DLG2: variants seen among roughly 807,000 people sequenced by gnomAD.
DLG2 encodes the protein disks large homolog 2.
DLG2 carries 45 observed loss-of-function variants against 132.5 expected under a neutral mutation model. The observed-to-expected ratio is 0.34, with a 90% CI of 0.27 to 0.44. DLG2 has a LOEUF of 0.44. Ranked by LOEUF, DLG2 falls within the 20% of genes least tolerant of loss-of-function variation. The pLI, the probability that DLG2 is intolerant of heterozygous loss-of-function variation, is 1.00. For missense variants in DLG2, 1,045 were observed against 1,196.9 expected (o/e 0.87, Z 1.87); for synonymous variants, 424 against 419.6 (o/e 1.01, Z -0.13).
intron 6 of DLG2, among the ~76,000 whole-genome samples, chr11:84,609,289 C>T (rs2099591199): frequency 6.6e-6 from 1 of 152,092 alleles, no homozygotes; most frequent in African/African-American, 2.4e-5. Context: ...GACCCTATCT[C>T]AGTGGCTTTG....
chr11:83,823,520 T>C (rs1023941520), intron 17 of DLG2, among the ~76,000 whole-genome samples: 1 of 152,116 alleles, frequency 6.6e-6, no homozygotes, highest in African/African-American at 2.4e-5. Flanking sequence ...TGGCCAGAAA[T>C]CTAAAAGCTT....
chr11:84,905,092 G>T (rs1430532965), intron 6 of DLG2, among the ~76,000 whole-genome samples: 1 of 152,042 alleles, frequency 6.6e-6, no homozygotes, highest in African/African-American at 2.4e-5. Context: ...CACCATGTTG[G>T]TCAGGCTGGC....
chr11:84,851,783 C>T (rs2154022616), intron 6 of DLG2, among the ~76,000 whole-genome samples: 1 of 151,846 alleles, frequency 6.6e-6, no homozygotes, highest in South Asian at 2.1e-4. Context: ...GACAAGGTTT[C>T]TAGCTATAAT....
At chr11:84,331,457 A>T (rs7951663) in intron 7 of DLG2, among the ~76,000 whole-genome samples, 34,016 of 148,772 alleles carry the variant, frequency 0.23, 4,008 homozygotes, top group East Asian at 0.36. Flanking sequence ...AAAAAAAAAA[A>T]AAAATAAATA....
intron 6 of DLG2, among the ~76,000 whole-genome samples, chr11:85,097,075 C>A (rs1246870057): frequency 6.6e-6 from 1 of 152,210 alleles, no homozygotes; most frequent in Admixed American, 6.5e-5. Flanking sequence ...TCTATCCTAT[C>A]TATTCTGAGC....
rs1384470285 is a variant in DLG2 at position 84,317,200 on chromosome 11, C to G, written c.520-65909G>C. ...TCAGCTCTGCACAGAAATGTCTCCTCCCTCACACCCCTTTCTTCCAGCCAG... is the reference window on the plus strand; with the variant it reads ...TCAGCTCTGCACAGAAATGTCTCCTGCCTCACACCCCTTTCTTCCAGCCAG... On this transcript the variant is annotated intron_variant, in intron 7 of 27. Coordinates refer to ENST00000376104, the MANE Select transcript of DLG2 (RefSeq NM_001142699.3). 4 of 1,541,334 alleles carry G rather than the reference C, an allele frequency of 2.6e-6. No homozygotes were observed. In the East Asian group the frequency reaches 9.0e-5, roughly 35 times the overall value.
intron 15 of DLG2, among the ~76,000 whole-genome samples, chr11:83,876,809 G>A (rs2154070046): frequency 6.6e-6 from 1 of 152,184 alleles, no homozygotes; most frequent in East Asian, 1.9e-4. Context: ...TATATATACA[G>A]AAACATATGT....
chr11:85,103,405 C>T (rs2071199332), intron 6 of DLG2, among the ~76,000 whole-genome samples: 1 of 151,840 alleles, frequency 6.6e-6, no homozygotes, highest in Non-Finnish European at 1.5e-5. Flanking sequence ...AAAGGATACA[C>T]ATAAAGATTA....
chr11:85,314,062 T>C (rs2080486444), intron 3 of DLG2, among the ~76,000 whole-genome samples: 1 of 151,984 alleles, frequency 6.6e-6, no homozygotes, highest in Non-Finnish European at 1.5e-5. Context: ...AAAGAACAAT[T>C]AGACTGCTTC....
chr11:85,028,710 G>A (rs1483161446), intron 6 of DLG2, among the ~76,000 whole-genome samples: 2 of 152,186 alleles, frequency 1.3e-5, no homozygotes, highest in South Asian at 2.1e-4. Context: ...GACAGTGGGG[G>A]CAGGCACTTC....
intron 6 of DLG2, among the ~76,000 whole-genome samples, chr11:84,690,423 A>T (rs2057894420): frequency 6.6e-6 from 1 of 151,854 alleles, no homozygotes; most frequent in African/African-American, 2.4e-5. Context: ...TGTCAATCGG[A>T]ATAAATTGTA....
chr11:83,784,076 G>T (rs1418319204), intron 18 of DLG2, among the ~76,000 whole-genome samples: 2 of 152,146 alleles, frequency 1.3e-5, no homozygotes, highest in African/African-American at 4.8e-5. Context: ...GATTATGACT[G>T]AAAAATGTAT....
intron 6 of DLG2, among the ~76,000 whole-genome samples, chr11:84,621,199 A>G (rs568929891): frequency 1.3e-5 from 2 of 152,256 alleles, no homozygotes; most frequent in South Asian, 4.1e-4. Context: ...TTATTATACT[A>G]TATCATTTCC....
chr11:84,313,638 A>AG (rs2098320007), intron 7 of DLG2, among the ~76,000 whole-genome samples: 1 of 131,166 alleles, frequency 7.6e-6, no homozygotes, highest in Non-Finnish European at 1.6e-5. Flanking sequence ...AAGGAAAGAG[A>AG]GAAAAAGAAA....
chr11:85,592,110 T>C (rs17148234), intron 3 of DLG2, among the ~76,000 whole-genome samples: 8,825 of 152,300 alleles, frequency 0.058, 824 homozygotes, highest in African/African-American at 0.2. Context: ...CACTATATGA[T>C]GTTTTGTATT....
chr11:83,969,937 T>TAA (rs34554842), intron 12 of DLG2, among the ~76,000 whole-genome samples: 19 of 145,488 alleles, frequency 1.3e-4, no homozygotes, highest in African/African-American at 2.5e-4. Context: ...GTGTTTCCTC[T>TAA]AAAAAAAAAA....
chr11:83,644,067 A>G lies in DLG2; in HGVS notation c.1826-10742T>C, dbSNP rs77233700. Among the ~76,000 whole-genome samples the G allele has an allele frequency of 8.5e-5, 13 of 152,282 alleles. 1 individual carries two copies. The East Asian group carries it at 2.5e-3, about 29-fold the overall frequency. ...GAAAAGGCTTTGTTTGAGTTCCCCA[A>G]TATACTGCTCAAATGAAAGCTTCTC... On this transcript the variant is annotated intron_variant, in intron 18 of 27. Coordinates refer to ENST00000376104, the MANE Select transcript of DLG2 (RefSeq NM_001142699.3).
At chr11:83,992,988 T>C (rs983088972) in intron 11 of DLG2, among the ~76,000 whole-genome samples, 13 of 152,228 alleles carry the variant, frequency 8.5e-5, no homozygotes, top group African/African-American at 2.9e-4. Flanking sequence ...AAGAGCTGTG[T>C]TGATTGTCTA....
intron 6 of DLG2, among the ~76,000 whole-genome samples, chr11:84,786,028 T>C (rs1410496892): frequency 6.6e-6 from 1 of 152,174 alleles, no homozygotes; most frequent in Non-Finnish European, 1.5e-5. Flanking sequence ...CTGGAAACAC[T>C]ACAGATGTTC....
Sources: gnomAD v4.1 joint callset for allele counts (sites outside exome capture counted in the v4.1 genomes callset) on GRCh38, gnomAD v4.1.1 for gene constraint, MANE v1.5 for transcripts, NCBI Gene and HGNC (gene_info 2026-07-23, HGNC 2026-07-21) for gene names.